The following NFASC variants were observed in gnomAD, a reference collection of about 807,000 sequenced individuals.
NFASC encodes the protein neurofascin homolog.
NFASC carries 43 observed loss-of-function variants against 147.5 expected under a neutral mutation model. The observed-to-expected ratio is 0.29, with a 90% CI of 0.23 to 0.38. The LOEUF (loss-of-function observed/expected upper bound fraction) is 0.38, where lower values mean the gene tolerates loss of function less well. NFASC is among the 10% of genes least tolerant of loss of function. NFASC has a pLI of 1.00. For synonymous variants in NFASC, 622 were observed against 665.5 expected (o/e 0.93, Z 1.01); for missense variants, 1,320 against 1,689.0 (o/e 0.78, Z 3.83).
Position 204,974,294 on chromosome 1 carries a change from A to G in NFASC, c.1391+4A>G. 1 of 1,608,560 alleles carries G rather than the reference A, an allele frequency of 6.2e-7. No individual in the cohort carries two copies. The highest frequency in any genetic ancestry group is 8.5e-7 in the Non-Finnish European group (1 of 1,175,160). The stretch of plus-strand genomic sequence containing the variant: ...CTCCCATCCCCACACTGCGATGGTA[A>G]GTTCCAGGAGATCAGGCCTTCCACA... On this transcript the variant is annotated splice_donor_region_variant and intron_variant, in intron 13 of 29. Coordinates refer to ENST00000339876, the MANE Select transcript of NFASC (RefSeq NM_001005388.3).
At chr1:204,831,931 G>A (rs1429056047) in intron 1 of NFASC, among the ~76,000 whole-genome samples, 6 of 152,176 alleles carry the variant, frequency 3.9e-5, no homozygotes, top group African/African-American at 7.2e-5. Context: ...AAGAGCATCC[G>A]GATAGGGATG....
Position 204,846,939 on chromosome 1 carries a change from G to T in NFASC, c.-200+18157G>T, listed in dbSNP as rs1018056185. Among the ~76,000 whole-genome samples, 7 of 148,330 alleles carry T rather than the reference G, an allele frequency of 4.7e-5. No homozygotes were observed. In the Admixed American group the frequency reaches 4.8e-4, roughly 10 times the overall value. ...TGGTGCTAATGGAAGACTGCTGCCT[G>T]TGTGTGTGTACGCGTGTGTGTGTGT... is the stretch of plus-strand genomic sequence containing the variant. On this transcript the variant is annotated intron_variant, in intron 1 of 29. Coordinates refer to ENST00000339876, the MANE Select transcript of NFASC (RefSeq NM_001005388.3).
intron 2 of NFASC, among the ~76,000 whole-genome samples, chr1:204,922,576 C>A (rs1036178310): frequency 1.3e-5 from 2 of 152,152 alleles, no homozygotes; most frequent in Admixed American, 1.3e-4. Context: ...TAAACTAAGG[C>A]TCTCTGAGAA....
rs998790027 is a variant in NFASC, at chr1:204,987,300, C to G, written c.2471-118C>G. The G allele has an allele frequency of 3.1e-6, 3 of 960,450 alleles. No individual in the cohort carries two copies. The African/African-American group carries it at 4.9e-5, about 16-fold the overall frequency. The allele number at this position is 960,450 out of a possible 1,614,324, so 59.5% of individuals were successfully genotyped here. A position where few individuals can be genotyped will look rare whatever the true frequency, so the allele number is the denominator to read the frequency against. ...CTCCCAGGCTTCAGTTTAGCAGTGT[C>G]GAGCATGGGGGTTGTCCAGAGGTCA... is the stretch of plus-strand genomic sequence containing the variant. On this transcript the variant is annotated intron_variant, in intron 21 of 29. Coordinates refer to ENST00000339876, the MANE Select transcript of NFASC (RefSeq NM_001005388.3). This position sits in a 1 kb window ranked among gnomAD's most constrained non-coding sequence, Gnocchi z 4.4.
At position 204,868,615 on chromosome 1, in the gene NFASC, C is replaced by G. The variant is rs12410701; in HGVS notation, c.-200+39833C>G. On this transcript the variant is annotated intron_variant, in intron 1 of 29. Transcript: ENST00000339876. ...CTGGGTTGAGAAAGGGGCTGCTGTC[C>G]ACAGGTGGCTTTGGGAGATGGGCTG... Among the ~76,000 whole-genome samples the G allele has an allele frequency of 9.4e-3, 1,435 of 152,312 alleles. 131 individuals are homozygous for G. The East Asian group carries it at 0.2, about 22-fold the overall frequency.
At chr1:204,978,086 C>T (rs1395220453) in intron 17 of NFASC, among the ~76,000 whole-genome samples, 1 of 152,332 alleles carries the variant, frequency 6.6e-6, no homozygotes, top group Admixed American at 6.5e-5. Context: ...ACTCATTGTT[C>T]AGCCTCCCTG....
chr1:204,921,199 C>G (rs974436099), intron 2 of NFASC, among the ~76,000 whole-genome samples: 8 of 152,180 alleles, frequency 5.3e-5, no homozygotes, highest in African/African-American at 1.9e-4. Flanking sequence ...CAGTAAGCAG[C>G]CAAGGCCCAC....
At chr1:204,871,002 C>G (rs182259273) in intron 1 of NFASC, 2 of 1,289,494 alleles carry the variant, frequency 1.6e-6, no homozygotes, top group Non-Finnish European at 2.0e-6. Context: ...CTTCCCTCCC[C>G]ACCTGTCCCC....
At chr1:204,838,985 A>G (rs1674527249) in intron 1 of NFASC, among the ~76,000 whole-genome samples, 1 of 152,260 alleles carries the variant, frequency 6.6e-6, no homozygotes, top group African/African-American at 2.4e-5. Flanking sequence ...GGCGCATGCC[A>G]GCCTCCATTG....
chr1:204,966,280 G>A (rs1197367296), intron 8 of NFASC, among the ~76,000 whole-genome samples: 2 of 152,136 alleles, frequency 1.3e-5, no homozygotes, highest in African/African-American at 4.8e-5. Flanking sequence ...GCTGGGTTGT[G>A]CGTGCTGGTG....
chr1:204,917,590 G>C (rs1424909681), intron 1 of NFASC, among the ~76,000 whole-genome samples: 1 of 152,102 alleles, frequency 6.6e-6, no homozygotes, highest in African/African-American at 2.4e-5. Flanking sequence ...ATATTATTAG[G>C]AATTCATAGA....
At chr1:205,011,206 G>GTCC (rs1574497075) in intron 28 of NFASC, among the ~76,000 whole-genome samples, 3 of 92,552 alleles carry the variant, frequency 3.2e-5, no homozygotes, top group Non-Finnish European at 4.9e-5. Flanking sequence ...CCTCCCCCAG[G>GTCC]ACCCCCCCCA....
chr1:204,839,398 C>T (rs1345868296), intron 1 of NFASC, among the ~76,000 whole-genome samples: 2 of 150,272 alleles, frequency 1.3e-5, no homozygotes, highest in Non-Finnish European at 2.9e-5. Context: ...CACACACACA[C>T]ACACACACAC....
At chr1:204,973,705 T>C (rs575082160) in intron 12 of NFASC, among the ~76,000 whole-genome samples, 52 of 152,212 alleles carry the variant, frequency 3.4e-4, no homozygotes, top group African/African-American at 1.3e-3. Flanking sequence ...GTTAATTCCA[T>C]CAGAGCAGTC....
At chr1:204,881,276 C>T (rs1032218280) in intron 1 of NFASC, among the ~76,000 whole-genome samples, 4 of 152,174 alleles carry the variant, frequency 2.6e-5, no homozygotes, top group Non-Finnish European at 4.4e-5. Context: ...CTGAAGTAGG[C>T]GACACCTGTG....
At chr1:204,956,275 GCTC>G (rs2094429205) in intron 7 of NFASC, among the ~76,000 whole-genome samples, 1 of 152,070 alleles carries the variant, frequency 6.6e-6, no homozygotes, top group Admixed American at 6.5e-5. Flanking sequence ...CCCTTCACTG[GCTC>G]CTCCATCACC....
intron 2 of NFASC, among the ~76,000 whole-genome samples, chr1:204,928,965 TTTC>T (rs1476362270): frequency 6.6e-6 from 1 of 152,198 alleles, no homozygotes; most frequent in African/African-American, 2.4e-5. Flanking sequence ...GAAAAGTCCC[TTTC>T]TTCTTTCCCA....
chr1:204,940,025 G>A (rs911233963), intron 2 of NFASC, among the ~76,000 whole-genome samples: 5 of 152,308 alleles, frequency 3.3e-5, no homozygotes, highest in Admixed American at 3.3e-4. Context: ...CCCAGCCTGG[G>A]GAGCTGAGGG....
intron 1 of NFASC, among the ~76,000 whole-genome samples, chr1:204,861,397 T>TG (rs1431410553): frequency 6.6e-6 from 1 of 151,376 alleles, no homozygotes; most frequent in African/African-American, 2.4e-5. Context: ...CCTGAGCACT[T>TG]GCTTTCAATT....
Sources: gnomAD v4.1 joint callset for allele counts (sites outside exome capture counted in the v4.1 genomes callset) on GRCh38, gnomAD v4.1.1 for gene constraint, Gnocchi (gnomAD v3.1) non-coding constraint, MANE v1.5 for transcripts, NCBI Gene and HGNC (gene_info 2026-07-23, HGNC 2026-07-21) for gene names.